The following ZMYM4 variants were observed in gnomAD, a reference collection of about 807,000 sequenced individuals.
ZMYM4 encodes zinc finger MYM-type containing 4, also known as zinc finger MYM-type protein 4.
Under a neutral mutation model 183.2 loss-of-function variants are expected in ZMYM4, and 31 were observed. The ratio of observed to expected loss-of-function variants is 0.17; its 90% CI spans 0.13 to 0.23. ZMYM4 has a LOEUF of 0.23. Ranked by LOEUF, ZMYM4 falls within the 10% of genes least tolerant of loss-of-function variation. ZMYM4 has a pLI of 1.00. For synonymous variants in ZMYM4, 592 were observed against 631.2 expected (o/e 0.94, Z 0.93); for missense variants, 1,273 against 1,840.3 (o/e 0.69, Z 5.64).
chr1:35,307,894 A>G (rs1418179277), intron 1 of ZMYM4, among the ~76,000 whole-genome samples: 3 of 151,494 alleles, frequency 2.0e-5, no homozygotes, highest in African/African-American at 7.3e-5. Context: ...CAATGGTGCA[A>G]TCTCGGCTCA....
chr1:35,337,663 G>A (rs1384764797), intron 2 of ZMYM4, among the ~76,000 whole-genome samples: 1 of 152,048 alleles, frequency 6.6e-6, no homozygotes, highest in African/African-American at 2.4e-5. Context: ...ATACAGATAA[G>A]GCCGGGTGTG....
At chr1:35,285,027 T>G (rs79765421) in intron 1 of ZMYM4, among the ~76,000 whole-genome samples, 1 of 152,316 alleles carries the variant, frequency 6.6e-6, no homozygotes, top group East Asian at 1.9e-4. Flanking sequence ...TCAGTTCTGT[T>G]CTATTTGTCT....
intron 2 of ZMYM4, among the ~76,000 whole-genome samples, chr1:35,355,018 G>T (rs967509880): frequency 2.0e-5 from 3 of 151,322 alleles, no homozygotes; most frequent in South Asian, 4.2e-4. Context: ...ATAGCTGCAA[G>T]ACTTTATTTT....
chr1:35,362,079 A>T (rs923847824), intron 5 of ZMYM4, among the ~76,000 whole-genome samples: 6 of 152,186 alleles, frequency 3.9e-5, no homozygotes, highest in Non-Finnish European at 7.3e-5. Context: ...ATGGTTGAAG[A>T]TTTATGGTAG....
At chr1:35,390,176 T>A (rs569955978) in intron 15 of ZMYM4, 78 bp downstream of exon 15, 2 of 1,400,680 alleles carry the variant, frequency 1.4e-6, no homozygotes, top group East Asian at 4.8e-5. Flanking sequence ...TCAGGAACTG[T>A]GTAAACAGTT....
At chr1:35,395,322 G>A (rs567034318) in intron 18 of ZMYM4, among the ~76,000 whole-genome samples, 2 of 150,920 alleles carry the variant, frequency 1.3e-5, no homozygotes, top group African/African-American at 4.9e-5. Context: ...TTGGCCAAAT[G>A]TGGTGCCTCA....
At chr1:35,307,535 TA>T (rs1441603798) in intron 1 of ZMYM4, among the ~76,000 whole-genome samples, 39 of 147,830 alleles carry the variant, frequency 2.6e-4, no homozygotes, top group African/African-American at 6.4e-4. Flanking sequence ...TTATTATTAT[TA>T]TTATTATTTT....
chr1:35,362,257 T>C (rs1300657922), intron 5 of ZMYM4, among the ~76,000 whole-genome samples: 1 of 152,184 alleles, frequency 6.6e-6, no homozygotes, highest in Non-Finnish European at 1.5e-5. Flanking sequence ...ATTGGATTAG[T>C]GGATAGAAGG....
chr1:35,308,461 CT>C (rs1641647810), intron 1 of ZMYM4, among the ~76,000 whole-genome samples: 1 of 152,166 alleles, frequency 6.6e-6, no homozygotes, highest in Admixed American at 6.5e-5. Context: ...GGCCCAATCT[CT>C]CATAATTTGG....
intron 7 of ZMYM4, among the ~76,000 whole-genome samples, chr1:35,380,456 T>C (rs919914009): frequency 1.4e-4 from 21 of 152,034 alleles, no homozygotes; most frequent in African/African-American, 4.3e-4. Context: ...ACCTCCTGAG[T>C]AGCTGGGACT....
At chr1:35,352,406 A>G (rs1437375047) in intron 2 of ZMYM4, among the ~76,000 whole-genome samples, 1 of 151,862 alleles carries the variant, frequency 6.6e-6, no homozygotes, top group East Asian at 1.9e-4. Flanking sequence ...ACACACACAC[A>G]CACACACACA....
Position 35,390,020 on chromosome 1 carries a change from C to G in ZMYM4, c.2509C>G (p.His837Asp), listed in dbSNP as rs1644670219. The change falls in exon 15 of 30, where the codon CAT becomes GAT. Residue 837 changes from histidine (H) to aspartate (D), a missense_variant. By Grantham distance (81) the His-to-Asp change is moderately conservative (BLOSUM62 -1). Around this residue, in one of 6 missense-constraint regions of ZMYM4, gnomAD observed 290 missense variants for 353.3 expected, o/e 0.82. Coordinates refer to ENST00000314607, the MANE Select transcript of ZMYM4 (RefSeq NM_005095.3). ...CTTGAAATGGCGAGGGGAAATGAAA[C>G]ATTTCTGTAACCTGCTTTGTATCTT... ...ESLKWRGEMKHFCNLLCILMF... is the reference protein window; with the variant it reads ...ESLKWRGEMKDFCNLLCILMF... The G allele has an allele frequency of 6.2e-7, 1 of 1,613,744 alleles. No homozygotes were observed. Among genetic ancestry groups the G allele is most frequent in the Non-Finnish European group, 8.5e-7 (1 of 1,179,932 alleles).
rs749213141 is a variant in ZMYM4, at chr1:35,398,927, A to T, written c.3317A>T (p.Glu1106Val). 6.2e-7 allele frequency: 1 copy of T among 1,614,126 alleles called. No individual in the cohort carries two copies. Residue 1106 changes from glutamate (E) to valine (V), a missense_variant, in exon 22 of 30, where the codon GAG (glutamate) becomes GTG (valine). Physicochemically the swap from Glu to Val is moderately radical, Grantham distance 121 (BLOSUM62 -2). This residue lies in a region of ZMYM4 where 290 missense variants were observed against 353.3 expected (regional missense o/e 0.82). Transcript: ENST00000314607. ...SEAVSTPHSW[E>V]EELNHYALKS... The stretch of plus-strand genomic sequence containing the variant: ...GCAGTATCTACTCCACATAGCTGGG[A>T]GGAAGAGCTGAATCACTATGCCTTA...
intron 20 of ZMYM4, 56 bp downstream of exon 20, chr1:35,397,601 G>T (rs1034827358): frequency 2.1e-6 from 3 of 1,458,382 alleles, no homozygotes; most frequent in Non-Finnish European, 2.7e-6. Flanking sequence ...ACATTTTCAG[G>T]TGACTCAAGT....
chr1:35,281,897 G>A (rs1451346165), intron 1 of ZMYM4, among the ~76,000 whole-genome samples: 2 of 152,112 alleles, frequency 1.3e-5, no homozygotes, highest in African/African-American at 2.4e-5. Context: ...TTTCATGTAA[G>A]TGGACTCATA....
chr1:35,282,728 G>T (rs540832624), intron 1 of ZMYM4, among the ~76,000 whole-genome samples: 1 of 152,022 alleles, frequency 6.6e-6, no homozygotes, highest in Admixed American at 6.6e-5. Flanking sequence ...GCTAATTTTA[G>T]TTTTTCTTAT....
chr1:35,289,213 T>TA (rs759616895), intron 1 of ZMYM4, among the ~76,000 whole-genome samples: 3 of 152,324 alleles, frequency 2.0e-5, no homozygotes, highest in Non-Finnish European at 4.4e-5. Context: ...TATGATCTCT[T>TA]AAAAAGATTC....
At chr1:35,307,003 A>T (rs1201341117) in intron 1 of ZMYM4, among the ~76,000 whole-genome samples, 2 of 152,224 alleles carry the variant, frequency 1.3e-5, no homozygotes, top group Non-Finnish European at 2.9e-5. Flanking sequence ...TTTAATGCAG[A>T]CCAGCACTGT....
At position 35,398,986 on chromosome 1, in the gene ZMYM4, T is replaced by C; in HGVS notation, c.3376T>C (p.Leu1126=). 1 of 1,614,142 alleles carries C rather than the reference T, an allele frequency of 6.2e-7. No homozygotes were observed. ...TGCTGTGCAAGAGGCTGATTCAGAA[T>C]TGAAGCAGTTCTCAAAAGGGGAAAC... is the stretch of plus-strand genomic sequence containing the variant. The part of the protein sequence containing the change: ...SNAVQEADSE[L]KQFSKGETEQ... The change falls in exon 22 of 30, where the codon TTG becomes CTG. Residue 1126 remains leucine, a synonymous_variant. Coordinates refer to ENST00000314607, the MANE Select transcript of ZMYM4 (RefSeq NM_005095.3).
Sources: allele counts gnomAD v4.1 joint callset (sites outside exome capture counted in the v4.1 genomes callset), GRCh38; gene constraint gnomAD v4.1.1; regional missense constraint gnomAD v4.1.1; transcripts MANE v1.5; gene names NCBI Gene and HGNC (gene_info 2026-07-23, HGNC 2026-07-21).